The following ENOX1 variants were observed in gnomAD, a reference collection of about 807,000 sequenced individuals.
ENOX1 encodes the protein candidate growth-related and time keeping constitutive hydroquinone (NADH) oxidase.
A neutral mutation model predicts 82.5 loss-of-function variants in ENOX1; 42 were observed. The ratio of observed to expected loss-of-function variants is 0.51; its 90% confidence interval spans 0.40 to 0.66. The LOEUF is 0.66. Ranked by LOEUF, ENOX1 falls within the 30% of genes least tolerant of loss-of-function variation. The probability of loss-of-function intolerance (pLI) is 0.00; values close to 1 mark genes in which losing one functional copy is unlikely to be tolerated. For missense variants in ENOX1, 608 were observed against 811.6 expected (o/e 0.75, Z 3.05); for synonymous variants, 271 against 282.2 (o/e 0.96, Z 0.40).
intron 11 of ENOX1, among the ~76,000 whole-genome samples, chr13:43,311,366 T>C (rs1302338056): frequency 0.025 from 49 of 1,988 alleles, no homozygotes; most frequent in Admixed American, 0.033. Context: ...TAATAGGGTT[T>C]TTTTTTTTTC....
intron 1 of ENOX1, among the ~76,000 whole-genome samples, chr13:43,781,427 T>C (rs762353652): frequency 6.6e-6 from 1 of 152,318 alleles, no homozygotes; most frequent in Middle Eastern, 3.4e-3. Context: ...ATTCTTCCTA[T>C]GCTGCTACAT....
At chr13:43,246,495 G>A (rs2043088843) in intron 14 of ENOX1, among the ~76,000 whole-genome samples, 1 of 152,212 alleles carries the variant, frequency 6.6e-6, no homozygotes, top group South Asian at 2.1e-4. Context: ...GCCACCCACG[G>A]GCTGGCTGAG....
chr13:43,659,044 T>A (rs1196029685), intron 2 of ENOX1, among the ~76,000 whole-genome samples: 1 of 152,190 alleles, frequency 6.6e-6, no homozygotes, highest in Non-Finnish European at 1.5e-5. Context: ...TTCTTATTTT[T>A]TCTACGTTAT....
Position 43,486,489 on chromosome 13 carries a change from T to C in ENOX1, c.-218-2337A>G, listed in dbSNP as rs548245281. On this transcript the variant is annotated intron_variant, in intron 2 of 16. Transcript: ENST00000690772. ...AGTTTTTATAAAATCCTAATGACAA[T>C]TTTTAAACATTCATTCAGCCACTAT... 4.8e-4 allele frequency among the ~76,000 whole-genome samples: 73 copies of C among 152,276 alleles called. 1 individual carries two copies. In the South Asian group the frequency reaches 0.014, roughly 29 times the overall value.
At chr13:43,478,878 G>T (rs1385591903) in intron 3 of ENOX1, among the ~76,000 whole-genome samples, 4 of 151,560 alleles carry the variant, frequency 2.6e-5, no homozygotes, top group African/African-American at 7.3e-5. Flanking sequence ...TGATAATTTG[G>T]TTTTTCATGG....
chr13:43,424,149 G>A (rs2055148207), intron 3 of ENOX1, among the ~76,000 whole-genome samples: 1 of 152,144 alleles, frequency 6.6e-6, no homozygotes, highest in Non-Finnish European at 1.5e-5. Flanking sequence ...AGGCAATGTT[G>A]GTCACATCCC....
intron 2 of ENOX1, among the ~76,000 whole-genome samples, chr13:43,505,485 CACTT>C (rs2077121865): frequency 6.6e-6 from 1 of 151,954 alleles, no homozygotes; most frequent in South Asian, 2.1e-4. Context: ...AATTGTATAA[CACTT>C]ACTGACAGAC....
chr13:43,700,224 G>A (rs1436514582), intron 1 of ENOX1, among the ~76,000 whole-genome samples: 1 of 151,924 alleles, frequency 6.6e-6, no homozygotes, highest in Non-Finnish European at 1.5e-5. Flanking sequence ...CTAGTAAGGG[G>A]GAAAATAAAA....
At chr13:43,607,708 C>T (rs1342720563) in intron 2 of ENOX1, among the ~76,000 whole-genome samples, 2 of 152,072 alleles carry the variant, frequency 1.3e-5, no homozygotes, top group Non-Finnish European at 2.9e-5. Context: ...TACTGCTCAC[C>T]AATTAGGGCA....
chr13:43,635,718 A>C (rs1313494124), intron 2 of ENOX1, among the ~76,000 whole-genome samples: 1 of 152,194 alleles, frequency 6.6e-6, no homozygotes, highest in Non-Finnish European at 1.5e-5. Flanking sequence ...GAAGGGCCAC[A>C]ACTTGCATTA....
intron 2 of ENOX1, among the ~76,000 whole-genome samples, chr13:43,655,938 T>G (rs917744225): frequency 6.6e-6 from 1 of 152,216 alleles, no homozygotes; most frequent in African/African-American, 2.4e-5. Flanking sequence ...TGGGTTCATA[T>G]CCAGAATATC....
At chr13:43,325,086 T>C (rs780858833) in intron 10 of ENOX1, among the ~76,000 whole-genome samples, 10 of 152,210 alleles carry the variant, frequency 6.6e-5, no homozygotes, top group Non-Finnish European at 1.2e-4. Context: ...GTTTGTCTAC[T>C]GCATCACAAA....
intron 15 of ENOX1, among the ~76,000 whole-genome samples, chr13:43,234,233 C>T (rs908236902): frequency 4.6e-5 from 7 of 152,100 alleles, no homozygotes; most frequent in Non-Finnish European, 2.9e-5. Flanking sequence ...AACTCTTTCC[C>T]ATTGTGGCAT....
At chr13:43,489,426 A>G (rs2076544027) in intron 2 of ENOX1, among the ~76,000 whole-genome samples, 1 of 152,180 alleles carries the variant, frequency 6.6e-6, no homozygotes, top group Non-Finnish European at 1.5e-5. Flanking sequence ...TGTGAGACAC[A>G]GCTGCTTCCG....
chr13:43,611,869 C>G (rs2082215178), intron 2 of ENOX1, among the ~76,000 whole-genome samples: 1 of 152,194 alleles, frequency 6.6e-6, no homozygotes, highest in South Asian at 2.1e-4. Context: ...TCTATGAGTT[C>G]ACATTGCTTT....
chr13:43,213,937 G>A lies in ENOX1; in HGVS notation c.*53C>T, dbSNP rs199753702. 1.2e-4 allele frequency: 186 copies of A among 1,590,172 alleles called. 1 individual carries two copies. In the Middle Eastern group the frequency reaches 1.2e-3, roughly 10 times the overall value. On this transcript the variant is annotated 3_prime_UTR_variant, in exon 17 of 17. Coordinates refer to ENST00000690772, the MANE Select transcript of ENOX1 (RefSeq NM_001347969.2). ...ACACCTCCTGCTTCCCCGTCGCACC[G>A]CCCTGGCCAGGTTCACATGGTTTCA...
intron 1 of ENOX1, among the ~76,000 whole-genome samples, chr13:43,770,163 C>T (rs369670904): frequency 2.0e-5 from 3 of 152,210 alleles, no homozygotes; most frequent in East Asian, 1.9e-4. Context: ...GAGGCATTTC[C>T]GCTTCTTCTT....
At chr13:43,704,932 T>C (rs989852082) in intron 1 of ENOX1, among the ~76,000 whole-genome samples, 1 of 152,152 alleles carries the variant, frequency 6.6e-6, no homozygotes, top group Non-Finnish European at 1.5e-5. Flanking sequence ...TAAATACTTA[T>C]TTGAAGAACT....
In ENOX1 at chr13:43,470,261, CAT is replaced by C. The variant is rs1414269811; in HGVS notation, c.-75+13746_-75+13747del. Among the ~76,000 whole-genome samples the C allele has an allele frequency of 2.5e-3, 102 of 40,758 alleles. 6 individuals are homozygous for C. The highest frequency in any genetic ancestry group is 3.3e-3 in the African/African-American group (46 of 13,996). 26.7% of individuals were successfully genotyped at this position (40,758 alleles called of 152,430 possible). ...GTGTATATATATACATATATATATA[CAT>C]ATATATACACATATATATACATATA... On this transcript the variant is annotated intron_variant, in intron 3 of 16. Coordinates refer to ENST00000690772, the MANE Select transcript of ENOX1 (RefSeq NM_001347969.2).
Sources: gnomAD v4.1 joint callset for allele counts (sites outside exome capture counted in the v4.1 genomes callset) on GRCh38, gnomAD v4.1.1 for gene constraint, MANE v1.5 for transcripts, NCBI Gene and HGNC (gene_info 2026-07-23, HGNC 2026-07-21) for gene names.